Variants in LRP12 observed in about 807,000 individuals in gnomAD.
LRP12 encodes LDL receptor related protein 12, also known as low-density lipoprotein receptor-related protein 12.
A neutral mutation model predicts 66.0 loss-of-function variants in LRP12; 14 were observed. The ratio of observed to expected loss-of-function variants is 0.21; its 90% CI spans 0.14 to 0.33. The LOEUF (loss-of-function observed/expected upper bound fraction) is 0.33. Ranked by LOEUF, LRP12 falls within the 10% of genes least tolerant of loss-of-function variation. LRP12 has a pLI of 1.00. For missense variants in LRP12, 889 were observed against 1,053.4 expected, an observed-to-expected ratio of 0.84 and a Z score of 2.16; for synonymous variants, 357 against 359.1, an observed-to-expected ratio of 0.99 and a Z score of 0.07.
At chr8:104,551,858 C>T (rs1235541418) in intron 1 of LRP12, among the ~76,000 whole-genome samples, 2 of 152,140 alleles carry the variant, frequency 1.3e-5, no homozygotes, top group Non-Finnish European at 1.5e-5. Flanking sequence ...TGCTATTCCC[C>T]AGCAACCATC....
chr8:104,576,704 G>C (rs184698832), intron 1 of LRP12, among the ~76,000 whole-genome samples: 1 of 152,018 alleles, frequency 6.6e-6, no homozygotes, highest in African/African-American at 2.4e-5. Flanking sequence ...GCATAAACAA[G>C]TCTGCAAAAT....
chr8:104,544,543 C>A (rs1454701923), intron 1 of LRP12, among the ~76,000 whole-genome samples: 1 of 152,164 alleles, frequency 6.6e-6, no homozygotes, highest in Non-Finnish European at 1.5e-5. Flanking sequence ...TCTCCTGTTG[C>A]AGGCTAATGC....
In LRP12 at chr8:104,497,852, G is replaced by A; in HGVS notation, c.700C>T (p.Pro234Ser). 1 of 1,614,176 alleles carries A rather than the reference G, an allele frequency of 6.2e-7. No individual in the cohort carries two copies. Residue 234 changes from proline (P) to serine (S), a missense_variant, in exon 5 of 7, where the codon CCC becomes TCC. Transcript: ENST00000276654. This position sits in a 1 kb window ranked among gnomAD's most constrained non-coding sequence, Gnocchi z 4.3. ...TTCCCATCACATTTTAAAGATTCGG[G>A]GAGGCAAGTGTAAACTTTGGTAAAA... ...SRFTKVYTCL[P>S]ESLKCDGNID...
intron 1 of LRP12, among the ~76,000 whole-genome samples, chr8:104,580,806 GA>G (rs1480941445): frequency 1.3e-5 from 2 of 152,192 alleles, no homozygotes; most frequent in Non-Finnish European, 2.9e-5. Context: ...AGGTTGTGGT[GA>G]AAAAGGAATG....
At chr8:104,562,653 C>A (rs1811931365) in intron 1 of LRP12, among the ~76,000 whole-genome samples, 1 of 152,098 alleles carries the variant, frequency 6.6e-6, no homozygotes, top group South Asian at 2.1e-4. Context: ...ATTTCTCTGA[C>A]TGCTTTTGAA....
intron 1 of LRP12, among the ~76,000 whole-genome samples, chr8:104,552,191 C>T (rs1811735127): frequency 6.6e-6 from 1 of 152,102 alleles, no homozygotes; most frequent in Non-Finnish European, 1.5e-5. Context: ...ACATTTTGAG[C>T]AGCTTCAGTC....
intron 1 of LRP12, among the ~76,000 whole-genome samples, chr8:104,554,268 A>G (rs1811770424): frequency 6.6e-6 from 1 of 152,180 alleles, no homozygotes; most frequent in South Asian, 2.1e-4. Context: ...GATCCAAACC[A>G]AGAAGAAATC....
chr8:104,588,864 G>A lies in LRP12; in HGVS notation c.34C>T (p.Arg12Trp). ...AGCAAGAGCAACGCAGACCTCCACCGCGGAGACTCTTTTGTGCTCCAGCGA... is the reference window on the plus strand; with the variant it reads ...AGCAAGAGCAACGCAGACCTCCACCACGGAGACTCTTTTGTGCTCCAGCGA... ...ACRWSTKESP[R>W]WRSALLLLFL... The change falls in exon 1 of 7, where the codon CGG becomes TGG. Residue 12 changes from arginine (R) to tryptophan (W), a missense_variant. Physicochemically the swap from Arg to Trp is moderately radical, Grantham distance 101. Coordinates refer to ENST00000276654, the MANE Select transcript of LRP12 (RefSeq NM_013437.5). 1.2e-6 allele frequency: 2 copies of A among 1,611,814 alleles called. No homozygotes were observed. Among genetic ancestry groups the A allele is most frequent in the Non-Finnish European group, 1.7e-6 (2 of 1,179,122 alleles).
At chr8:104,571,888 C>T (rs987306556) in intron 1 of LRP12, among the ~76,000 whole-genome samples, 1 of 152,208 alleles carries the variant, frequency 6.6e-6, no homozygotes, top group Non-Finnish European at 1.5e-5. Context: ...AAATTGTCTT[C>T]CACAAAACTG....
chr8:104,581,082 A>G (rs1225306765), intron 1 of LRP12, among the ~76,000 whole-genome samples: 1 of 152,236 alleles, frequency 6.6e-6, no homozygotes, highest in Non-Finnish European at 1.5e-5. Context: ...GTACACATAT[A>G]CCATAGAATA....
At chr8:104,575,407 C>T (rs1812150424) in intron 1 of LRP12, among the ~76,000 whole-genome samples, 1 of 152,196 alleles carries the variant, frequency 6.6e-6, no homozygotes, top group African/African-American at 2.4e-5. Flanking sequence ...AAGTTGGTCC[C>T]CCAATCCAGC....
chr8:104,493,317 G>C (rs936633574), intron 6 of LRP12, among the ~76,000 whole-genome samples: 1 of 152,122 alleles, frequency 6.6e-6, no homozygotes, highest in Non-Finnish European at 1.5e-5. Context: ...GTTACCAAAA[G>C]CTTCAAACTT....
chr8:104,561,809 GA>G, intron 1 of LRP12, among the ~76,000 whole-genome samples: 2 of 152,148 alleles, frequency 1.3e-5, no homozygotes, highest in South Asian at 4.1e-4. Context: ...CTTTTGGCTG[GA>G]ACTACTAGTC....
intron 1 of LRP12, among the ~76,000 whole-genome samples, chr8:104,582,676 C>T (rs1295424378): frequency 6.6e-6 from 1 of 152,098 alleles, no homozygotes; most frequent in African/African-American, 2.4e-5. Flanking sequence ...TCTTAAGGTT[C>T]CTCCCCTTGT....
chr8:104,542,650 C>G (rs1811495847), intron 1 of LRP12, among the ~76,000 whole-genome samples: 1 of 152,054 alleles, frequency 6.6e-6, no homozygotes, highest in African/African-American at 2.4e-5. Context: ...TTGATTCCCC[C>G]AAAACATAAC....
At chr8:104,541,166 GT>G (rs1019948489) in intron 1 of LRP12, among the ~76,000 whole-genome samples, 4 of 152,258 alleles carry the variant, frequency 2.6e-5, no homozygotes, top group Admixed American at 2.6e-4. Context: ...CTACTATATT[GT>G]TTAAAGTACA....
Position 104,524,723 on chromosome 8 carries a change from T to A in LRP12, c.136+7184A>T, listed in dbSNP as rs371147256. On this transcript the variant is annotated intron_variant, in intron 2 of 6. Coordinates refer to ENST00000276654, the MANE Select transcript of LRP12 (RefSeq NM_013437.5). ...TATTAATTATTGTAGGAAGGTAGGG[T>A]TAATGGGTGATTTTCTTAATCTTTT... Among the ~76,000 whole-genome samples the A allele has an allele frequency of 2.6e-5, 4 of 152,194 alleles. No individual in the cohort carries two copies. In the East Asian group the frequency reaches 7.7e-4, roughly 29 times the overall value.
chr8:104,549,692 G>A (rs370337115), intron 1 of LRP12, among the ~76,000 whole-genome samples: 1 of 152,088 alleles, frequency 6.6e-6, no homozygotes, highest in Non-Finnish European at 1.5e-5. Context: ...GTGAGCCCCC[G>A]AGCCCGGCCT....
intron 1 of LRP12, among the ~76,000 whole-genome samples, chr8:104,557,755 A>T (rs747206570): frequency 6.6e-6 from 1 of 152,178 alleles, no homozygotes; most frequent in African/African-American, 2.4e-5. Context: ...TTTTTCACAG[A>T]ACTAGAAAAA....
Sources: allele counts gnomAD v4.1 joint callset (sites outside exome capture counted in the v4.1 genomes callset), GRCh38; gene constraint gnomAD v4.1.1; non-coding constraint Gnocchi (gnomAD v3.1); transcripts MANE v1.5; gene names NCBI Gene and HGNC (gene_info 2026-07-23, HGNC 2026-07-21).